PAPPA2: variants seen among roughly 807,000 people sequenced by gnomAD.
PAPPA2 encodes pappalysin-2.
Under a neutral mutation model 176.4 loss-of-function variants are expected in PAPPA2, and 86 were observed. The observed-to-expected ratio is 0.49, with a 90% confidence interval of 0.41 to 0.58. The LOEUF (loss-of-function observed/expected upper bound fraction) is 0.58. Among genes scored for constraint, PAPPA2 ranks in the 20% least tolerant of loss-of-function variants. PAPPA2 has a pLI of 0.00. For synonymous variants in PAPPA2, 809 were observed against 852.2 expected, an observed-to-expected ratio of 0.95 and a Z score of 0.88; for missense variants, 2,073 against 2,256.9, an observed-to-expected ratio of 0.92 and a Z score of 1.65.
intron 14 of PAPPA2, among the ~76,000 whole-genome samples, chr1:176,753,015 A>G (rs1001558412): frequency 6.6e-6 from 1 of 152,238 alleles, no homozygotes; most frequent in Non-Finnish European, 1.5e-5. Context: ...ATAGGTGGGA[A>G]GTAGAGGGAT....
At position 176,759,748 on chromosome 1, in the gene PAPPA2, C is replaced by G. The variant is rs1344797543; in HGVS notation, c.4152-5918C>G. ...AAAGAGGTGCCTGGTTTGGCATTCT[C>G]TGGGGGACAGTTCATGGAAAGTTTA... is the stretch of plus-strand genomic sequence containing the variant. On this transcript the variant is annotated intron_variant, in intron 14 of 22. Transcript: ENST00000367662. Among the ~76,000 whole-genome samples the G allele has an allele frequency of 4.6e-5, 7 of 152,274 alleles. No homozygotes were observed. In the South Asian group the frequency reaches 8.3e-4, roughly 18 times the overall value.
intron 12 of PAPPA2, among the ~76,000 whole-genome samples, chr1:176,726,101 C>T (rs1661856677): frequency 6.6e-6 from 1 of 152,226 alleles, no homozygotes; most frequent in Non-Finnish European, 1.5e-5. Flanking sequence ...TTCTCTATAA[C>T]ATTCCTGGTG....
rs1011224213 is a variant in PAPPA2 at position 176,598,857 on chromosome 1, T to TG, written c.1991+3269dup. Among the ~76,000 whole-genome samples, 26 of 152,152 alleles carry TG rather than the reference T, an allele frequency of 1.7e-4. 1 individual carries two copies. The East Asian group carries it at 3.9e-3, about 23-fold the overall frequency. ...GGGACTTCTCTTCAATGCGTTTTTT[T>TG]GGGGGGGTTAGAGCTACTGTGTCCT... On this transcript the variant is annotated intron_variant, in intron 3 of 22. Transcript: ENST00000367662.
At chr1:176,749,891 G>A (rs1039788881) in intron 14 of PAPPA2, among the ~76,000 whole-genome samples, 1 of 151,988 alleles carries the variant, frequency 6.6e-6, no homozygotes, top group Admixed American at 6.6e-5. Context: ...AGGACATCTT[G>A]GTTTCTTCCA....
At chr1:176,724,654 C>A (rs1661781193) in intron 12 of PAPPA2, among the ~76,000 whole-genome samples, 1 of 152,154 alleles carries the variant, frequency 6.6e-6, no homozygotes, top group Non-Finnish European at 1.5e-5. Context: ...AGCCTATTAA[C>A]CATAATTTCC....
intron 21 of PAPPA2, among the ~76,000 whole-genome samples, chr1:176,830,751 C>G (rs1667051968): frequency 6.6e-6 from 1 of 152,174 alleles, no homozygotes; most frequent in Non-Finnish European, 1.5e-5. Flanking sequence ...GCAATGGGGA[C>G]AGTGAGGTCT....
chr1:176,811,320 T>A (rs1207714406), intron 21 of PAPPA2, among the ~76,000 whole-genome samples: 9 of 152,338 alleles, frequency 5.9e-5, no homozygotes, highest in African/African-American at 2.2e-4. Flanking sequence ...TTATATGTTG[T>A]CATATAAATT....
chr1:176,670,773 A>G (rs867395075), intron 3 of PAPPA2, among the ~76,000 whole-genome samples, 197 bp from the exon 4 acceptor site: 16 of 152,206 alleles, frequency 1.1e-4, no homozygotes, highest in African/African-American at 3.6e-4. Context: ...TCATTATACT[A>G]TTTATTGGAA....
At chr1:176,725,171 A>C (rs1661808642) in intron 12 of PAPPA2, among the ~76,000 whole-genome samples, 1 of 152,234 alleles carries the variant, frequency 6.6e-6, no homozygotes, top group African/African-American at 2.4e-5. Context: ...TATATTTATG[A>C]ACTCGGAAGT....
At chr1:176,805,849 A>G (rs1341926349) in intron 21 of PAPPA2, among the ~76,000 whole-genome samples, 5 of 152,018 alleles carry the variant, frequency 3.3e-5, no homozygotes, top group Non-Finnish European at 5.9e-5. Context: ...CCAGCTAACT[A>G]TGGTGGTATT....
At chr1:176,788,046 G>A (rs1193658750) in intron 17 of PAPPA2, among the ~76,000 whole-genome samples, 1 of 151,644 alleles carries the variant, frequency 6.6e-6, no homozygotes, top group African/African-American at 2.4e-5. Context: ...GGCAACAAGA[G>A]TGAAATTCCA....
At chr1:176,616,536 A>G (rs1655269085) in intron 3 of PAPPA2, 1 of 1,311,896 alleles carries the variant, frequency 7.6e-7, no homozygotes, top group Non-Finnish European at 1.1e-6. Flanking sequence ...TACAAAATGT[A>G]ACCAATCAGC....
chr1:176,573,592 G>GTC (rs1012160453), intron 2 of PAPPA2, among the ~76,000 whole-genome samples: 4 of 152,074 alleles, frequency 2.6e-5, no homozygotes, highest in Non-Finnish European at 5.9e-5. Context: ...CTCTCTCTCT[G>GTC]TCTCTCTCTC....
At position 176,716,292 on chromosome 1, in the gene PAPPA2, C is replaced by T. The variant is rs1183295002; in HGVS notation, c.3798+4311C>T. Among the ~76,000 whole-genome samples, 13 of 147,318 alleles carry T rather than the reference C, an allele frequency of 8.8e-5. 1 individual carries two copies. In the East Asian group the frequency reaches 2.0e-3, roughly 22 times the overall value. On this transcript the variant is annotated intron_variant, in intron 12 of 22. Coordinates refer to ENST00000367662, the MANE Select transcript of PAPPA2 (RefSeq NM_020318.3). The stretch of plus-strand genomic sequence containing the variant: ...TCTTGCTCTCGCCCTGTCACCTGGG[C>T]TGGAGTGCAATGGCGCGATCTTGGC...
At chr1:176,805,870 C>T (rs1665881369) in intron 21 of PAPPA2, among the ~76,000 whole-genome samples, 1 of 151,672 alleles carries the variant, frequency 6.6e-6, no homozygotes. Context: ...CACCTGTGGT[C>T]CCCAGATACT....
intron 4 of PAPPA2, among the ~76,000 whole-genome samples, chr1:176,683,726 G>A (rs746454554): frequency 1.6e-4 from 25 of 152,040 alleles, no homozygotes; most frequent in Non-Finnish European, 1.9e-4. Context: ...GGGAATTTCT[G>A]GCAGGCTCTG....
chr1:176,558,182 C>T (rs1368147655), intron 2 of PAPPA2, among the ~76,000 whole-genome samples: 2 of 152,178 alleles, frequency 1.3e-5, no homozygotes, highest in African/African-American at 4.8e-5. Flanking sequence ...TAACACAAAG[C>T]AAGGTGCACA....
intron 17 of PAPPA2, among the ~76,000 whole-genome samples, chr1:176,787,397 G>C (rs1664987954): frequency 6.6e-6 from 1 of 151,928 alleles, no homozygotes; most frequent in Non-Finnish European, 1.5e-5. Context: ...ACTGTGCCTG[G>C]CTAATTTTTG....
At chr1:176,475,592 G>C (rs1213043414) in intron 1 of PAPPA2, among the ~76,000 whole-genome samples, 1 of 151,910 alleles carries the variant, frequency 6.6e-6, no homozygotes, top group Non-Finnish European at 1.5e-5. Flanking sequence ...GATGGGAACT[G>C]GAAAAAAAAT....
Sources: gnomAD v4.1 joint callset for allele counts (sites outside exome capture counted in the v4.1 genomes callset) on GRCh38, gnomAD v4.1.1 for gene constraint, MANE v1.5 for transcripts, NCBI Gene and HGNC (gene_info 2026-07-23, HGNC 2026-07-21) for gene names.